Variants in FKBP5 observed in about 807,000 individuals in gnomAD.
FKBP5 encodes the protein FKBP prolyl isomerase 5.
A neutral mutation model predicts 50.5 loss-of-function variants in FKBP5; 23 were observed. The observed-to-expected ratio is 0.46, with a 90% CI of 0.33 to 0.65. The LOEUF is 0.65. FKBP5 is among the 30% of genes least tolerant of loss of function. The pLI is 0.02. For missense variants in FKBP5, 411 were observed against 553.1 expected (o/e 0.74, Z 2.58); for synonymous variants, 176 against 190.6 (o/e 0.92, Z 0.63).
At chr6:35,712,936 G>C (rs550323752) in intron 2 of FKBP5, among the ~76,000 whole-genome samples, 1 of 152,106 alleles carries the variant, frequency 6.6e-6, no homozygotes, top group Non-Finnish European at 1.5e-5. Context: ...CCAAAGCCAG[G>C]TGTGGTGGTG....
Position 35,680,077 on chromosome 6 carries a change from C to T in FKBP5, c.-20+8727G>A, listed in dbSNP as rs1351988747. ...CCAGTTACTTCAAACATCTTCTACT[C>T]GACTATATGACCAAATAAAACAACT... is the stretch of plus-strand genomic sequence containing the variant. On this transcript the variant is annotated intron_variant, in intron 1 of 10. Coordinates refer to ENST00000357266, the MANE Select transcript of FKBP5 (RefSeq NM_004117.4). Among the ~76,000 whole-genome samples the T allele has an allele frequency of 5.3e-5, 8 of 151,502 alleles. No individual in the cohort carries two copies. The East Asian group carries it at 1.6e-3, about 29-fold the overall frequency.
intron 3 of FKBP5, 36 bp from the exon 4 acceptor site, chr6:35,620,310 C>A: frequency 6.3e-7 from 1 of 1,585,282 alleles, no homozygotes; most frequent in East Asian, 2.2e-5. Flanking sequence ...AAGCTATAAG[C>A]CCTATTTAAA....
intron 8 of FKBP5, chr6:35,582,915 T>G (rs887939032): frequency 1.1e-6 from 1 of 901,636 alleles, no homozygotes. Context: ...CAAAGGAATG[T>G]AAATATGGAA....
chr6:35,654,186 G>A (rs1581856065), intron 1 of FKBP5, among the ~76,000 whole-genome samples: 1 of 152,150 alleles, frequency 6.6e-6, no homozygotes, highest in Admixed American at 6.5e-5. Flanking sequence ...ATTGTTTATA[G>A]ATTTTGGTGG....
chr6:35,723,794 C>T (rs1766654389), intron 1 of FKBP5, among the ~76,000 whole-genome samples: 1 of 152,236 alleles, frequency 6.6e-6, no homozygotes, highest in Non-Finnish European at 1.5e-5. Flanking sequence ...CTGGCACGGG[C>T]AGTGTGGTGC....
chr6:35,609,490 T>A (rs1763427588), intron 5 of FKBP5, among the ~76,000 whole-genome samples: 1 of 152,188 alleles, frequency 6.6e-6, no homozygotes, highest in Non-Finnish European at 1.5e-5. Flanking sequence ...AATTCAGAAA[T>A]TTCACCAGGA....
At chr6:35,649,248 C>CT (rs1488145244) in intron 1 of FKBP5, among the ~76,000 whole-genome samples, 1,007 of 73,562 alleles carry the variant, frequency 0.014, 5 homozygotes, top group African/African-American at 0.033. Flanking sequence ...AAGACTCTGT[C>CT]TAAAAAAAAA....
At chr6:35,697,380 T>G (rs1372419037) in intron 2 of FKBP5, among the ~76,000 whole-genome samples, 1 of 152,076 alleles carries the variant, frequency 6.6e-6, no homozygotes, top group East Asian at 1.9e-4. Context: ...AAACTCCATC[T>G]CTACTAAAAA....
chr6:35,697,572 G>T (rs1159854841), intron 2 of FKBP5, among the ~76,000 whole-genome samples: 1 of 143,994 alleles, frequency 6.9e-6, no homozygotes, highest in African/African-American at 2.6e-5. Flanking sequence ...AAAGAATGAA[G>T]TACTAATAGA....
chr6:35,584,806 A>T, intron 8 of FKBP5: 6 of 985,342 alleles, frequency 6.1e-6, no homozygotes, highest in Non-Finnish European at 7.2e-6. Context: ...GTTAAAAATA[A>T]TTTTTTCCAT....
intron 2 of FKBP5, among the ~76,000 whole-genome samples, chr6:35,639,977 C>G (rs1461872062): frequency 6.6e-6 from 1 of 152,200 alleles, no homozygotes; most frequent in East Asian, 1.9e-4. Context: ...AGCCACTTAA[C>G]CTTTCTCAGA....
At position 35,577,199 on chromosome 6, in the gene FKBP5, A is replaced by G; in HGVS notation, c.1061T>C (p.Leu354Ser). ...LGLDSANEKG[L>S]YRRGEAQLLM... The stretch of plus-strand genomic sequence containing the variant: ...CAGCTGGGCTTCACCCCTCCTATAC[A>G]AGCCTTTCTCATTGGCACTGTCCAG... Residue 354 changes from leucine (L) to serine (S), a missense_variant, in exon 10 of 11, where the codon TTG (leucine) becomes TCG (serine). Leu to Ser is a moderately radical substitution (Grantham distance 145, BLOSUM62 -2). Around this residue, in one of 3 missense-constraint regions of FKBP5, gnomAD observed 267 missense variants for 405.9 expected, o/e 0.66. Coordinates refer to ENST00000357266, the MANE Select transcript of FKBP5 (RefSeq NM_004117.4). The G allele has an allele frequency of 6.2e-7, 1 of 1,612,994 alleles. No individual in the cohort carries two copies. Among genetic ancestry groups the G allele is most frequent in the Non-Finnish European group, 8.5e-7 (1 of 1,179,328 alleles).
At chr6:35,707,702 C>T (rs1416916041) in intron 2 of FKBP5, among the ~76,000 whole-genome samples, 1 of 152,116 alleles carries the variant, frequency 6.6e-6, no homozygotes, top group Non-Finnish European at 1.5e-5. Flanking sequence ...CTTCTCTCTC[C>T]TCCCACCCTC....
At chr6:35,607,722 A>G in intron 5 of FKBP5, 1 of 172,766 alleles carries the variant, frequency 5.8e-6, no homozygotes, top group Non-Finnish European at 1.3e-5. Context: ...TGCTGCAGGC[A>G]CCTGACCAAA....
intron 9 of FKBP5, among the ~76,000 whole-genome samples, chr6:35,579,602 A>C (rs546405408): frequency 6.6e-6 from 1 of 152,316 alleles, no homozygotes; most frequent in African/African-American, 2.4e-5. Flanking sequence ...TATGCATATC[A>C]GTGAATAAAT....
chr6:35,644,507 G>A (rs1463500882), intron 1 of FKBP5, among the ~76,000 whole-genome samples: 1 of 152,144 alleles, frequency 6.6e-6, no homozygotes, highest in Non-Finnish European at 1.5e-5. Context: ...CAATTGTTGT[G>A]CCCCAAAATC....
Position 35,688,893 on chromosome 6 carries a change from G to C in FKBP5, c.-109C>G, listed in dbSNP as rs1320944289. The C allele has an allele frequency of 1.3e-5, 2 of 151,422 alleles. No individual in the cohort carries two copies. Among genetic ancestry groups the C allele is most frequent in the East Asian group, 2.0e-4 (1 of 5,128 alleles). The allele number at this position is 151,422 out of a possible 1,614,324, so 9.4% of individuals were successfully genotyped here. The stretch of plus-strand genomic sequence containing the variant: ...AGCCCGCCCAGCAGGCCGCCCGCGC[G>C]CCGGACACCGCCGCCCGAGACTGGC... On this transcript the variant is annotated 5_prime_UTR_variant, in exon 1 of 11. Transcript: ENST00000357266.
intron 8 of FKBP5, chr6:35,586,273 G>C (rs188850580): frequency 1.0e-6 from 1 of 985,070 alleles, no homozygotes; most frequent in Non-Finnish European, 1.2e-6. Flanking sequence ...CACACTCCTA[G>C]TTGCTCCAAG....
At position 35,620,182 on chromosome 6, in the gene FKBP5, A is replaced by T. The variant is rs200045200; in HGVS notation, c.343T>A (p.Ser115Thr). ...GGAATTTTAGGGAGACTGCCAGCCG[A>T]GCCATATGCATATTCTGGTTTGCAC... ...LLCKPEYAYGSAGSLPKIPSN... is the reference protein window; with the variant it reads ...LLCKPEYAYGTAGSLPKIPSN... Residue 115 changes from serine (S) to threonine (T), a missense_variant, in exon 4 of 11, where the codon TCG (serine) becomes ACG (threonine). Around this residue, in one of 3 missense-constraint regions of FKBP5, gnomAD observed 267 missense variants for 405.9 expected, o/e 0.66. Transcript: ENST00000357266. 4 of 1,614,056 alleles carry T rather than the reference A, an allele frequency of 2.5e-6. No homozygotes were observed. The highest frequency in any genetic ancestry group is 3.4e-6 in the Non-Finnish European group (4 of 1,180,046).
Sources: gnomAD v4.1 joint callset for allele counts (sites outside exome capture counted in the v4.1 genomes callset) on GRCh38, gnomAD v4.1.1 for gene constraint, gnomAD v4.1.1 regional missense constraint, MANE v1.5 for transcripts, NCBI Gene and HGNC (gene_info 2026-07-23, HGNC 2026-07-21) for gene names.